ACER3: variants seen among roughly 807,000 people sequenced by gnomAD.
The protein encoded by ACER3 is alkaline ceramidase 3.
ACER3 carries 16 observed loss-of-function variants against 48.9 expected under a neutral mutation model. The ratio of observed to expected loss-of-function variants is 0.33; its 90% confidence interval spans 0.22 to 0.50. The LOEUF (loss-of-function observed/expected upper bound fraction) is 0.50, where lower values mean the gene tolerates loss of function less well. ACER3 is among the 20% of genes least tolerant of loss of function. ACER3 has a pLI of 0.98. For synonymous variants in ACER3, 109 were observed against 107.8 expected (o/e 1.01, Z -0.07); for missense variants, 227 against 326.0 (o/e 0.70, Z 2.34).
chr11:76,926,831 A>G (rs1307707499), intron 2 of ACER3, among the ~76,000 whole-genome samples, 164 bp downstream of exon 2: 1 of 152,238 alleles, frequency 6.6e-6, no homozygotes, highest in East Asian at 1.9e-4. Context: ...ATTGAACTGC[A>G]TTTTGAATAA....
intron 4 of ACER3, among the ~76,000 whole-genome samples, chr11:76,977,287 A>G (rs755527025): frequency 6.6e-6 from 1 of 152,214 alleles, no homozygotes; most frequent in Non-Finnish European, 1.5e-5. Context: ...AATTCCTCTC[A>G]AGGAGAGGTT....
At chr11:77,000,333 T>C (rs1266243583) in intron 7 of ACER3, among the ~76,000 whole-genome samples, 2 of 152,316 alleles carry the variant, frequency 1.3e-5, no homozygotes, top group Admixed American at 1.3e-4. Context: ...GAGATTCTAA[T>C]TCTTTATTAA....
At chr11:76,991,815 C>A (rs75387009) in intron 6 of ACER3, among the ~76,000 whole-genome samples, 1,085 of 123,098 alleles carry the variant, frequency 8.8e-3, no homozygotes, top group Middle Eastern at 0.017. Flanking sequence ...AACTCTGTCT[C>A]AAAAAAAAAA....
intron 2 of ACER3, among the ~76,000 whole-genome samples, chr11:76,937,398 T>G (rs1299437926): frequency 6.6e-6 from 1 of 152,180 alleles, no homozygotes; most frequent in Non-Finnish European, 1.5e-5. Context: ...CATCAACAGT[T>G]CAAAATTAAA....
At chr11:77,012,439 A>AG (rs1281684361) in intron 7 of ACER3, among the ~76,000 whole-genome samples, 17 of 151,144 alleles carry the variant, frequency 1.1e-4, no homozygotes, top group African/African-American at 4.1e-4. Flanking sequence ...AAAAAAAAAA[A>AG]AAGCTGTTAG....
At chr11:76,985,757 A>G (rs755231048) in intron 5 of ACER3, 33 bp downstream of exon 5, 1 of 1,268,012 alleles carries the variant, frequency 7.9e-7, no homozygotes, top group Non-Finnish European at 1.1e-6. Context: ...CAGATTAAGC[A>G]TGTAAATTCA....
chr11:76,895,358 G>A (rs1945902298), intron 1 of ACER3, among the ~76,000 whole-genome samples: 1 of 152,036 alleles, frequency 6.6e-6, no homozygotes, highest in South Asian at 2.1e-4. Flanking sequence ...CTTGTACCCA[G>A]GTTCTCTATG....
chr11:77,024,571 A>G lies in ACER3; in HGVS notation c.*4244A>G, dbSNP rs1288806798. 3 of 152,232 alleles carry G rather than the reference A, an allele frequency of 2.0e-5. No individual in the cohort carries two copies. Among genetic ancestry groups the G allele is most frequent in the African/African-American group, 7.2e-5 (3 of 41,446 alleles). The allele number at this position is 152,232 out of a possible 1,614,324, so 9.4% of individuals were successfully genotyped here. On this transcript the variant is annotated 3_prime_UTR_variant, in exon 11 of 11. Coordinates refer to ENST00000532485, the MANE Select transcript of ACER3 (RefSeq NM_018367.7). ...AAAGTGGAAACTGTAAGGGACAACA[A>G]GTTTCACCAAGGCACAGTCTTCTCT...
At chr11:76,900,251 A>T (rs960534071) in intron 1 of ACER3, among the ~76,000 whole-genome samples, 1 of 152,172 alleles carries the variant, frequency 6.6e-6, no homozygotes, top group African/African-American at 2.4e-5. Context: ...ATCATTTCAC[A>T]TTGAGTAAGC....
intron 1 of ACER3, among the ~76,000 whole-genome samples, chr11:76,895,093 G>A (rs1252266100): frequency 6.6e-6 from 1 of 152,042 alleles, no homozygotes; most frequent in East Asian, 1.9e-4. Flanking sequence ...TGTGGAGAAA[G>A]GATTCAATTT....
intron 3 of ACER3, among the ~76,000 whole-genome samples, chr11:76,965,504 T>C (rs557015813): frequency 6.6e-6 from 1 of 151,118 alleles, no homozygotes; most frequent in South Asian, 2.1e-4. Context: ...GACACATAAC[T>C]CTCAGATTCA....
chr11:76,928,216 G>A (rs1309045725), intron 2 of ACER3, among the ~76,000 whole-genome samples: 1 of 152,166 alleles, frequency 6.6e-6, no homozygotes, highest in Non-Finnish European at 1.5e-5. Flanking sequence ...GGCCAGTGAT[G>A]GTGAGCATTT....
chr11:76,937,263 C>A (rs1169688263), intron 2 of ACER3, among the ~76,000 whole-genome samples: 2 of 152,186 alleles, frequency 1.3e-5, no homozygotes, highest in Non-Finnish European at 2.9e-5. Context: ...AATAGGCATT[C>A]TTCTTGCATT....
intron 7 of ACER3, among the ~76,000 whole-genome samples, chr11:77,001,168 T>C (rs1949024369): frequency 6.6e-6 from 1 of 152,254 alleles, no homozygotes; most frequent in African/African-American, 2.4e-5. Flanking sequence ...ATTGCTATTA[T>C]ATAGATACAC....
rs578180779 is a variant in ACER3, at chr11:76,890,620, A to G, written c.103+29541A>G. Among the ~76,000 whole-genome samples the G allele has an allele frequency of 4.6e-5, 7 of 152,320 alleles. No homozygotes were observed. In the South Asian group the frequency reaches 1.4e-3, roughly 32 times the overall value. ...AAAATCTTCAGTGTCACTGAAGGCT[A>G]ATCACATTAACTATTCCTGTACTTA... is the stretch of plus-strand genomic sequence containing the variant. On this transcript the variant is annotated intron_variant, in intron 1 of 10. Coordinates refer to ENST00000532485, the MANE Select transcript of ACER3 (RefSeq NM_018367.7).
At chr11:76,914,136 T>G (rs1946460849) in intron 1 of ACER3, among the ~76,000 whole-genome samples, 1 of 152,192 alleles carries the variant, frequency 6.6e-6, no homozygotes. Context: ...GACATAGGCA[T>G]GGGCAAGGAC....
At chr11:76,993,125 G>A (rs1334935005) in intron 6 of ACER3, among the ~76,000 whole-genome samples, 1 of 152,082 alleles carries the variant, frequency 6.6e-6, no homozygotes, top group Non-Finnish European at 1.5e-5. Context: ...CTCAGCCCCT[G>A]CCTTGGTGAA....
chr11:76,966,934 A>G (rs946723449), intron 3 of ACER3, among the ~76,000 whole-genome samples: 10 of 152,096 alleles, frequency 6.6e-5, no homozygotes, highest in Non-Finnish European at 1.3e-4. Context: ...AAAAGCTAGC[A>G]GAAGGCAAGA....
At chr11:76,972,239 A>T (rs564174325) in intron 3 of ACER3, among the ~76,000 whole-genome samples, 1 of 152,106 alleles carries the variant, frequency 6.6e-6, no homozygotes, top group Non-Finnish European at 1.5e-5. Flanking sequence ...TCTCCATATC[A>T]TTGCCAATAC....
Sources: gnomAD v4.1 joint callset for allele counts (sites outside exome capture counted in the v4.1 genomes callset) on GRCh38, gnomAD v4.1.1 for gene constraint, MANE v1.5 for transcripts, NCBI Gene and HGNC (gene_info 2026-07-23, HGNC 2026-07-21) for gene names.